Variants in LARGE1 observed in about 807,000 individuals in gnomAD.
LARGE1 encodes LARGE xylosyl- and glucuronyltransferase 1.
In LARGE1, 43 loss-of-function variants were observed where a neutral mutation model predicts 87.6. The ratio of observed to expected loss-of-function variants is 0.49; its 90% CI spans 0.38 to 0.63. The LOEUF is 0.63. Ranked by LOEUF, LARGE1 falls within the 30% of genes least tolerant of loss-of-function variation. LARGE1 has a pLI of 0.00. For missense variants in LARGE1, 802 were observed against 1,000.2 expected (o/e 0.80, Z 2.67); for synonymous variants, 434 against 394.6 (o/e 1.10, Z -1.18).
chr22:33,856,921 C>T (rs1271188223), intron 1 of LARGE1: 1 of 152,126 alleles, frequency 6.6e-6, no homozygotes, highest in Non-Finnish European at 1.5e-5. Flanking sequence ...GCAGAAAAAG[C>T]TAAAATAACT....
chr22:33,259,462 T>A (rs188004733), intron 11 of LARGE1, among the ~76,000 whole-genome samples: 1 of 152,014 alleles, frequency 6.6e-6, no homozygotes, highest in African/African-American at 2.4e-5. Context: ...GTCAACTGCC[T>A]TCCATTTCTC....
At position 33,205,948 on chromosome 22, in the gene LARGE1, C is replaced by CTTTTTT. The variant is rs386395258; in HGVS notation, c.1731-39122_1731-39117dup. ...TGCCCACTACCATGCCATGCTAATT[C>CTTTTTT]TTTTTTTTTTTTTTTTTTTTTTGTG... On this transcript the variant is annotated intron_variant, in intron 11 of 11. Transcript: ENST00000608642. Among the ~76,000 whole-genome samples, 321 of 84,940 alleles carry CTTTTTT rather than the reference C, an allele frequency of 3.8e-3. 16 individuals carry two copies. The highest frequency in any genetic ancestry group is 5.4e-3 in the Non-Finnish European group (250 of 46,076). 55.7% of individuals were successfully genotyped at this position (84,940 alleles called of 152,430 possible).
intron 9 of LARGE1, among the ~76,000 whole-genome samples, chr22:33,379,347 T>G (rs890582158): frequency 3.3e-5 from 5 of 151,974 alleles, no homozygotes; most frequent in Non-Finnish European, 5.9e-5. Flanking sequence ...ATGTGCCATG[T>G]TGGTGTGCTG....
the LARGE1 span, among the ~76,000 whole-genome samples, chr22:33,120,856 C>G: frequency 6.6e-6 from 1 of 151,934 alleles, no homozygotes; most frequent in South Asian, 2.1e-4. Flanking sequence ...TAAAGCTGCT[C>G]CTGCCTGTAA....
chr22:33,141,552 C>A, the LARGE1 span, among the ~76,000 whole-genome samples: 1 of 151,684 alleles, frequency 6.6e-6, no homozygotes, highest in Non-Finnish European at 1.5e-5. Context: ...CTATATTATA[C>A]TTATATGTAT....
chr22:33,484,049 A>G (rs1309899051), intron 6 of LARGE1, among the ~76,000 whole-genome samples: 1 of 152,136 alleles, frequency 6.6e-6, no homozygotes, highest in Non-Finnish European at 1.5e-5. Flanking sequence ...TGCTACAAAT[A>G]CATTTATCTA....
At chr22:33,743,437 CTCTT>C (rs1008275776) in intron 2 of LARGE1, among the ~76,000 whole-genome samples, 28 of 152,222 alleles carry the variant, frequency 1.8e-4, no homozygotes, top group Admixed American at 1.5e-3. Flanking sequence ...TCATCACTGA[CTCTT>C]TCTTTCTCTC....
chr22:33,143,961 A>ATCTGTT, the LARGE1 span, among the ~76,000 whole-genome samples: 1 of 152,090 alleles, frequency 6.6e-6, no homozygotes, highest in Non-Finnish European at 1.5e-5. Context: ...TCTTCTTGGT[A>ATCTGTT]TCTGTTTCTG....
intron 11 of LARGE1, among the ~76,000 whole-genome samples, chr22:33,234,533 C>CTT (rs1926159103): frequency 6.6e-6 from 1 of 151,568 alleles, no homozygotes; most frequent in African/African-American, 2.4e-5. Context: ...TTTTTTGTTT[C>CTT]TTTGTTTTGT....
rs548481231 is a variant in LARGE1 at position 33,800,614 on chromosome 22, T to C, written c.-82-39056A>G. On this transcript the variant is annotated intron_variant, in intron 1 of 14. Coordinates refer to ENST00000397394, the MANE Select transcript of LARGE1 (RefSeq NM_133642.5). ...TTTCCTATGCTCTATAATTCTGTCA[T>C]TGGGAGAAGGTTGTACAAACAGAAC... Among the ~76,000 whole-genome samples the C allele has an allele frequency of 7.9e-5, 12 of 152,298 alleles. No individual in the cohort carries two copies. In the South Asian group the frequency reaches 2.3e-3, roughly 29 times the overall value.
intron 1 of LARGE1, among the ~76,000 whole-genome samples, chr22:33,839,531 C>G (rs2063209851): frequency 1.3e-5 from 2 of 152,180 alleles, no homozygotes. Flanking sequence ...TTGGAACAAA[C>G]AAATAAATAA....
intron 12 of LARGE1, among the ~76,000 whole-genome samples, chr22:33,300,386 G>GT (rs999234088): frequency 1.3e-5 from 2 of 152,110 alleles, no homozygotes; most frequent in African/African-American, 4.8e-5. Context: ...TAACAAATGT[G>GT]TTTTTTTGAG....
At chr22:33,592,805 A>G (rs1342589458) in intron 5 of LARGE1, among the ~76,000 whole-genome samples, 1 of 151,904 alleles carries the variant, frequency 6.6e-6, no homozygotes, top group Admixed American at 6.6e-5. Context: ...ACACTTGTGT[A>G]TATTTTCTTT....
the LARGE1 span, among the ~76,000 whole-genome samples, chr22:33,132,910 G>A: frequency 1.3e-5 from 2 of 152,148 alleles, no homozygotes; most frequent in Non-Finnish European, 2.9e-5. Context: ...TTAGGCTCTG[G>A]TTATTGTGTC....
chr22:33,134,248 G>A, the LARGE1 span, among the ~76,000 whole-genome samples: 21 of 142,944 alleles, frequency 1.5e-4, no homozygotes, highest in African/African-American at 3.9e-4. Flanking sequence ...CACTCACAAA[G>A]AACTCCCTTT....
At chr22:33,134,223 C>G in the LARGE1 span, among the ~76,000 whole-genome samples, 1,477 of 151,438 alleles carry the variant, frequency 9.8e-3, 33 homozygotes, top group African/African-American at 0.034. Context: ...GTAAGTCTAC[C>G]CATGTCATAG....
chr22:33,784,769 C>T (rs1000304123), intron 1 of LARGE1, among the ~76,000 whole-genome samples: 4 of 151,708 alleles, frequency 2.6e-5, no homozygotes, highest in Admixed American at 6.6e-5. Context: ...ACCATATATT[C>T]ATACAGTATG....
intron 6 of LARGE1, among the ~76,000 whole-genome samples, chr22:33,522,603 T>C (rs571505551): frequency 1.3e-4 from 20 of 151,878 alleles, no homozygotes; most frequent in Non-Finnish European, 2.5e-4. Flanking sequence ...GAGGCCAAGG[T>C]GGGTGGATCA....
At chr22:33,846,238 C>T (rs1477030112) in intron 1 of LARGE1, among the ~76,000 whole-genome samples, 1 of 152,198 alleles carries the variant, frequency 6.6e-6, no homozygotes, top group Non-Finnish European at 1.5e-5. Context: ...ATTTCATGGA[C>T]ATTTATTAGT....
Sources: allele counts gnomAD v4.1 joint callset (sites outside exome capture counted in the v4.1 genomes callset), GRCh38; gene constraint gnomAD v4.1.1; transcripts MANE v1.5; gene names NCBI Gene and HGNC (gene_info 2026-07-23, HGNC 2026-07-21).